CSMD3: variants seen among roughly 807,000 people sequenced by gnomAD.
CSMD3 encodes the protein CUB and Sushi multiple domains 3.
A neutral mutation model predicts 435.2 loss-of-function variants in CSMD3; 177 were observed. That is an observed-to-expected ratio of 0.41 (90% CI 0.36 to 0.46). The LOEUF (loss-of-function observed/expected upper bound fraction) is 0.46. Among genes scored for constraint, CSMD3 ranks in the 20% least tolerant of loss-of-function variants. CSMD3 has a pLI of 0.34. For synonymous variants in CSMD3, 1,656 were observed against 1,520.5 expected, an observed-to-expected ratio of 1.09 and a Z score of -2.07; for missense variants, 4,265 against 4,504.6, an observed-to-expected ratio of 0.95 and a Z score of 1.52.
At chr8:113,200,257 C>T (rs2092703261) in intron 3 of CSMD3, among the ~76,000 whole-genome samples, 1 of 151,722 alleles carries the variant, frequency 6.6e-6, no homozygotes, top group South Asian at 2.1e-4. Flanking sequence ...AACTATACTG[C>T]ACATTTGCGC....
At chr8:112,714,372 C>A (rs1030434766) in intron 13 of CSMD3, among the ~76,000 whole-genome samples, 2 of 152,064 alleles carry the variant, frequency 1.3e-5, no homozygotes, top group African/African-American at 4.8e-5. Flanking sequence ...ATATGAAGAG[C>A]TAACTATTCT....
intron 13 of CSMD3, among the ~76,000 whole-genome samples, chr8:112,788,885 T>A (rs547449251): frequency 5.9e-5 from 9 of 152,198 alleles, no homozygotes; most frequent in Non-Finnish European, 1.3e-4. Flanking sequence ...ACCTCTAAGT[T>A]AATAAAGAGC....
At chr8:113,029,907 T>C (rs1443517205) in intron 5 of CSMD3, among the ~76,000 whole-genome samples, 1 of 151,392 alleles carries the variant, frequency 6.6e-6, no homozygotes, top group Non-Finnish European at 1.5e-5. Context: ...CTCCTAGAAC[T>C]GATAAAAAAA....
chr8:112,242,932 A>T (rs1190151108), intron 65 of CSMD3, among the ~76,000 whole-genome samples: 1 of 152,148 alleles, frequency 6.6e-6, no homozygotes, highest in Admixed American at 6.6e-5. Context: ...ATGGCTAAGT[A>T]CTGCATCTTT....
intron 5 of CSMD3, among the ~76,000 whole-genome samples, chr8:113,062,867 T>A (rs1219702533): frequency 1.3e-5 from 2 of 151,698 alleles, no homozygotes; most frequent in Non-Finnish European, 3.0e-5. Flanking sequence ...ATATATATAT[T>A]ATCATTTAAT....
chr8:112,345,183 T>G (rs1773957351), intron 41 of CSMD3, among the ~76,000 whole-genome samples: 1 of 152,142 alleles, frequency 6.6e-6, no homozygotes, highest in Middle Eastern at 3.4e-3. Flanking sequence ...ATATGGAGGT[T>G]CCACAAAAAA....
chr8:113,383,970 A>G (rs143869862), intron 1 of CSMD3, among the ~76,000 whole-genome samples: 20 of 152,316 alleles, frequency 1.3e-4, no homozygotes, highest in African/African-American at 4.6e-4. Context: ...TCTAATGCAT[A>G]CGATTTAAGA....
intron 5 of CSMD3, among the ~76,000 whole-genome samples, chr8:113,089,043 T>C (rs76057101): frequency 0.014 from 2,127 of 152,196 alleles, 50 homozygotes; most frequent in African/African-American, 0.048. Context: ...TGTTCTTTCT[T>C]TTTTTTCTTT....
intron 33 of CSMD3, 136 bp downstream of exon 33, chr8:112,408,783 A>G (rs1237804191): frequency 3.3e-6 from 4 of 1,225,026 alleles, no homozygotes; most frequent in African/African-American, 1.6e-5. Flanking sequence ...TATTCTTTAG[A>G]AAAAAAAAAG....
intron 36 of CSMD3, among the ~76,000 whole-genome samples, chr8:112,387,997 A>G (rs1173285877): frequency 6.6e-6 from 1 of 152,186 alleles, no homozygotes; most frequent in Non-Finnish European, 1.5e-5. Context: ...ACATTGAAAT[A>G]TGATGGAGAA....
At chr8:113,232,668 G>T (rs1284422281) in intron 3 of CSMD3, among the ~76,000 whole-genome samples, 1 of 151,722 alleles carries the variant, frequency 6.6e-6, no homozygotes, top group African/African-American at 2.4e-5. Context: ...TATAGAAGGA[G>T]TAATGTCCAG....
At chr8:112,433,298 C>T (rs977459185) in intron 32 of CSMD3, among the ~76,000 whole-genome samples, 1 of 151,542 alleles carries the variant, frequency 6.6e-6, no homozygotes, top group African/African-American at 2.4e-5. Flanking sequence ...TTGTGTGGGA[C>T]AGAATATCTG....
chr8:112,814,334 T>G (rs796623698), intron 12 of CSMD3, among the ~76,000 whole-genome samples: 22 of 152,312 alleles, frequency 1.4e-4, no homozygotes, highest in African/African-American at 4.6e-4. Context: ...TGTTCAGGTG[T>G]GCTTACATTC....
intron 5 of CSMD3, among the ~76,000 whole-genome samples, chr8:113,043,609 A>T (rs868504075): frequency 3.9e-5 from 6 of 152,166 alleles, no homozygotes; most frequent in Middle Eastern, 3.2e-3. Flanking sequence ...TTATTCTTGA[A>T]AAATGTTTTG....
At chr8:112,336,008 G>T (rs934426834) in intron 44 of CSMD3, among the ~76,000 whole-genome samples, 4 of 151,990 alleles carry the variant, frequency 2.6e-5, no homozygotes, top group African/African-American at 9.7e-5. Flanking sequence ...GACCTCCCAG[G>T]CTCAAGGGAT....
At chr8:112,291,435 AT>A in intron 56 of CSMD3, 74 bp downstream of exon 56, 1 of 1,012,174 alleles carries the variant, frequency 9.9e-7, no homozygotes, top group Non-Finnish European at 1.5e-6. Flanking sequence ...TCTTTAGGTC[AT>A]TTTATAAAGA....
chr8:113,120,957 C>T (rs1399452775), intron 4 of CSMD3, among the ~76,000 whole-genome samples: 1 of 152,042 alleles, frequency 6.6e-6, no homozygotes, highest in Non-Finnish European at 1.5e-5. Flanking sequence ...AACAACAATG[C>T]TTACGTTTTT....
At chr8:113,292,172 T>C (rs911813582) in intron 2 of CSMD3, among the ~76,000 whole-genome samples, 1 of 151,646 alleles carries the variant, frequency 6.6e-6, no homozygotes, top group African/African-American at 2.4e-5. Context: ...ACAATTTTGA[T>C]GGAATAGAAG....
At chr8:113,033,369 C>A (rs1227558674) in intron 5 of CSMD3, among the ~76,000 whole-genome samples, 2 of 151,682 alleles carry the variant, frequency 1.3e-5, no homozygotes, top group Non-Finnish European at 2.9e-5. Context: ...CCACCCATTG[C>A]ATCAATATGC....
Sources: gnomAD v4.1 joint callset for allele counts (sites outside exome capture counted in the v4.1 genomes callset) on GRCh38, gnomAD v4.1.1 for gene constraint, MANE v1.5 for transcripts, NCBI Gene and HGNC (gene_info 2026-07-23, HGNC 2026-07-21) for gene names.